Variants in CCDC25 observed in about 807,000 individuals in gnomAD.
The protein encoded by CCDC25 is coiled-coil domain containing 25, also known as coiled-coil domain-containing protein 25.
Under a neutral mutation model 35.3 loss-of-function variants are expected in CCDC25, and 16 were observed. That is an observed-to-expected ratio of 0.45 (90% CI 0.31 to 0.69). CCDC25 has a LOEUF of 0.69. Ranked by LOEUF, CCDC25 falls within the 30% of genes least tolerant of loss-of-function variation. The probability of loss-of-function intolerance (pLI) is 0.06; values close to 1 mark genes in which losing one functional copy is unlikely to be tolerated. For missense variants in CCDC25, 179 were observed against 250.7 expected, an observed-to-expected ratio of 0.71 and a Z score of 1.93; for synonymous variants, 79 against 80.3, an observed-to-expected ratio of 0.98 and a Z score of 0.09.
intron 1 of CCDC25, among the ~76,000 whole-genome samples, chr8:27,766,084 G>T (rs1804391213): frequency 6.6e-6 from 1 of 152,220 alleles, no homozygotes; most frequent in South Asian, 2.1e-4. Context: ...ATAACTGAGT[G>T]CCAGGTTTCA....
Position 27,760,897 on chromosome 8 carries a change from G to A in CCDC25, c.116+1522C>T, listed in dbSNP as rs533882868. 1.9e-3 allele frequency among the ~76,000 whole-genome samples: 294 copies of A among 152,300 alleles called. 1 individual carries two copies. Among genetic ancestry groups the A allele is most frequent in the African/African-American group, 6.8e-3 (282 of 41,580 alleles). ...TCCCAGCACTTTGGGAGTCCAACGCGGGTAGATCACCTGAGGTTAGGAGTT... is the reference window on the plus strand; with the variant it reads ...TCCCAGCACTTTGGGAGTCCAACGCAGGTAGATCACCTGAGGTTAGGAGTT... On this transcript the variant is annotated intron_variant, in intron 3 of 8. Transcript: ENST00000356537.
rs1336991545 is a variant in CCDC25 at position 27,734,597 on chromosome 8, T to C, written c.*1619A>G. On this transcript the variant is annotated 3_prime_UTR_variant, in exon 9 of 9. Transcript: ENST00000356537. ...GGGCATAGGAATCAACACAGAGCTA[T>C]GAATTCAACAAGAGAATTCAGCAGA... 1 of 55,248 alleles carries C rather than the reference T, an allele frequency of 1.8e-5. No individual in the cohort carries two copies. The allele number at this position is 55,248 out of a possible 1,614,324, so 3.4% of individuals were successfully genotyped here. A position where few individuals can be genotyped will look rare whatever the true frequency, so the allele number is the denominator to read the frequency against.
At chr8:27,761,545 G>A (rs1173965531) in intron 3 of CCDC25, among the ~76,000 whole-genome samples, 1 of 152,222 alleles carries the variant, frequency 6.6e-6, no homozygotes, top group African/African-American at 2.4e-5. Context: ...GGACCCAGGT[G>A]CCTTTATCTT....
intron 7 of CCDC25, among the ~76,000 whole-genome samples, chr8:27,744,457 G>A (rs1244626749): frequency 6.6e-6 from 1 of 152,142 alleles, no homozygotes. Context: ...AGAAGGCAGT[G>A]GCAGTGTGTA....
At chr8:27,747,956 A>T in intron 7 of CCDC25, 121 bp downstream of exon 7, 1 of 953,492 alleles carries the variant, frequency 1.0e-6, no homozygotes, top group Non-Finnish European at 1.6e-6. Context: ...GGTTGAGCTT[A>T]AGCTGAGCTT....
intron 2 of CCDC25, 77 bp from the exon 3 acceptor site, chr8:27,762,535 A>C (rs988860531): frequency 2.3e-6 from 3 of 1,331,780 alleles, no homozygotes; most frequent in African/African-American, 2.9e-5. Flanking sequence ...GAATGGGAGA[A>C]ATGTCAGCTC....
chr8:27,771,002 G>A (rs117438899), intron 1 of CCDC25, among the ~76,000 whole-genome samples: 5,043 of 152,250 alleles, frequency 0.033, 133 homozygotes, highest in Non-Finnish European at 0.052. Context: ...AAAGGGACTT[G>A]CCACATAATG....
chr8:27,766,345 A>G (rs1804398779), intron 1 of CCDC25, among the ~76,000 whole-genome samples: 1 of 152,132 alleles, frequency 6.6e-6, no homozygotes, highest in African/African-American at 2.4e-5. Flanking sequence ...AAAAAGCCTT[A>G]TATCAGAGAG....
chr8:27,756,460 A>C, intron 4 of CCDC25: 1 of 388,268 alleles, frequency 2.6e-6, no homozygotes, highest in Non-Finnish European at 4.7e-6. Context: ...AGCAGAGATG[A>C]CAGACAGCAC....
At chr8:27,768,936 T>C (rs938221583) in intron 1 of CCDC25, among the ~76,000 whole-genome samples, 8 of 152,258 alleles carry the variant, frequency 5.3e-5, no homozygotes, top group Non-Finnish European at 1.2e-4. Context: ...GTTCAATTAT[T>C]CCCTTATGAG....
intron 3 of CCDC25, among the ~76,000 whole-genome samples, chr8:27,760,788 T>C (rs986520181): frequency 3.9e-5 from 6 of 152,102 alleles, no homozygotes; most frequent in African/African-American, 1.4e-4. Context: ...AGAAGACAGG[T>C]TTTTGTGCTG....
intron 2 of CCDC25, chr8:27,764,497 T>A: frequency 7.9e-6 from 3 of 377,526 alleles, no homozygotes; most frequent in South Asian, 5.7e-5. Context: ...CAGGCAGGTC[T>A]CGAACTCCTG....
At chr8:27,746,907 G>A (rs1160101145) in intron 7 of CCDC25, among the ~76,000 whole-genome samples, 1 of 152,138 alleles carries the variant, frequency 6.6e-6, no homozygotes, top group Non-Finnish European at 1.5e-5. Context: ...TAAGAATCCA[G>A]GGCATTCCAA....
intron 7 of CCDC25, among the ~76,000 whole-genome samples, chr8:27,741,936 C>G (rs1003387182): frequency 6.6e-6 from 1 of 152,116 alleles, no homozygotes; most frequent in Non-Finnish European, 1.5e-5. Context: ...AGGTCAGACT[C>G]CTAAGCTTAT....
At chr8:27,739,632 A>G (rs1323084589) in intron 8 of CCDC25, among the ~76,000 whole-genome samples, 1 of 152,240 alleles carries the variant, frequency 6.6e-6, no homozygotes, top group African/African-American at 2.4e-5. Flanking sequence ...AAGGATGTGC[A>G]TATGTTATAT....
intron 8 of CCDC25, among the ~76,000 whole-genome samples, chr8:27,736,755 C>T (rs1305441456): frequency 6.6e-6 from 1 of 152,186 alleles, no homozygotes; most frequent in Non-Finnish European, 1.5e-5. Flanking sequence ...GGAAGTCAAA[C>T]ATAGGCTAGT....
In CCDC25 at chr8:27,748,271, A is replaced by G; in HGVS notation, c.357T>C (p.Ile119=). 6.2e-7 allele frequency: 1 copy of G among 1,612,922 alleles called. No individual in the cohort carries two copies. The highest frequency in any genetic ancestry group is 1.7e-5 in the Admixed American group (1 of 59,798). Residue 119 remains isoleucine, a synonymous_variant, in exon 7 of 9, where the codon ATT becomes ATC. Transcript: ENST00000356537. ...CATTTACTTTCTTCTCCACTGTCAC[A>G]ATTTTTACCTTTAAGGGAGATAGGA... ...IGFHRQKDVK[I]VTVEKKVNEI...
At position 27,736,061 on chromosome 8, in the gene CCDC25, A is replaced by G. The variant is rs2128934549; in HGVS notation, c.*155T>C. ...ATCCTTTTCTGTCAGCAAAAAAGGT[A>G]CAATTTTTTTAAAACTTGAAAATCA... On this transcript the variant is annotated 3_prime_UTR_variant, in exon 9 of 9. Coordinates refer to ENST00000356537, the MANE Select transcript of CCDC25 (RefSeq NM_018246.3). 1.5e-6 allele frequency: 1 copy of G among 651,154 alleles called. No homozygotes were observed. The highest frequency in any genetic ancestry group is 2.3e-5 in the South Asian group (1 of 43,752). The allele number at this position is 651,154 out of a possible 1,614,324, so 40.3% of individuals were successfully genotyped here.
At chr8:27,740,597 T>A in intron 7 of CCDC25, 80 bp from the exon 8 acceptor site, 1 of 1,241,492 alleles carries the variant, frequency 8.1e-7, no homozygotes, top group Non-Finnish European at 1.2e-6. Context: ...TTCCTGTGTA[T>A]CCAGCACTGC....
Sources: allele counts gnomAD v4.1 joint callset (sites outside exome capture counted in the v4.1 genomes callset), GRCh38; gene constraint gnomAD v4.1.1; transcripts MANE v1.5; gene names NCBI Gene and HGNC (gene_info 2026-07-23, HGNC 2026-07-21).